The following LOXL3 variants were observed in gnomAD, a reference collection of about 807,000 sequenced individuals.
LOXL3 encodes lysyl oxidase like 3.
A neutral mutation model predicts 91.8 loss-of-function variants in LOXL3; 60 were observed. The observed-to-expected ratio is 0.65, with a 90% CI of 0.53 to 0.81. LOXL3 has a LOEUF of 0.81. Among genes scored for constraint, LOXL3 ranks in the 30% least tolerant of loss-of-function variants. The probability of loss-of-function intolerance (pLI) is 0.00; values close to 1 mark genes in which losing one functional copy is unlikely to be tolerated. For missense variants in LOXL3, 874 were observed against 1,000.4 expected, an observed-to-expected ratio of 0.87 and a Z score of 1.70; for synonymous variants, 355 against 387.6, an observed-to-expected ratio of 0.92 and a Z score of 0.99.
At position 74,534,125 on chromosome 2, in the gene LOXL3, A is replaced by G; in HGVS notation, c.2051T>C (p.Val684Ala). The G allele has an allele frequency of 6.2e-7, 1 of 1,614,160 alleles. No individual in the cohort carries two copies. Among genetic ancestry groups the G allele is most frequent in the Non-Finnish European group, 8.5e-7 (1 of 1,180,036 alleles). Residue 684 changes from valine to alanine, a missense_variant, in exon 12 of 14, where the codon GTG becomes GCG. Val to Ala is a moderately conservative substitution (Grantham distance 64, BLOSUM62 0). Transcript: ENST00000264094. ...IDCQWIDITDVKPGNYILQVV... is the reference protein window; with the variant it reads ...IDCQWIDITDAKPGNYILQVV... ...CTGGAGAATGTAGTTTCCTGGCTTC[A>G]CATCCGTGATGTCAATCCACTGACA...
intron 4 of LOXL3, chr2:74,539,789 A>AT (rs981368604): frequency 1.3e-5 from 2 of 152,706 alleles, no homozygotes; most frequent in African/African-American, 4.8e-5. Flanking sequence ...CTCTTGCCCC[A>AT]TACCTTCCAA....
Position 74,534,450 on chromosome 2 carries a change from T to G in LOXL3, c.1824-19A>C, listed in dbSNP as rs1466999534. On this transcript the variant is annotated intron_variant, in intron 10 of 13. Transcript: ENST00000264094. ...GTAATGCCTGTGGGGAGAAGGGAAC[T>G]TCTGTTTCCTTCTCTGCCCCCAGAA... 6.2e-7 allele frequency: 1 copy of G among 1,613,328 alleles called. No homozygotes were observed. The highest frequency in any genetic ancestry group is 1.1e-5 in the South Asian group (1 of 91,072).
At chr2:74,554,410 GGGT>G, upstream of LOXL3, 1 of 314,568 alleles carries the variant, frequency 3.2e-6, no homozygotes, top group Non-Finnish European at 5.9e-6. The surrounding 1 kb of genome is among the most constrained non-coding windows in gnomAD (Gnocchi z 4.9). Context: ...GGCGCTTTCG[GGGT>G]GATGTCATGG....
In LOXL3 at chr2:74,552,451, G is replaced by A. The variant is rs150838046; in HGVS notation, c.184C>T (p.Arg62Ter). 11 of 1,613,766 alleles carry A rather than the reference G, an allele frequency of 6.8e-6. No homozygotes were observed. Among genetic ancestry groups the A allele is most frequent in the African/African-American group, 4.0e-5 (3 of 74,948 alleles). Residue 62 changes from arginine (R) to a stop codon, truncating the protein, a stop_gained, in exon 2 of 14, where the codon CGA becomes TGA. Transcript: ENST00000264094. LOFTEE classifies it high-confidence loss of function. ...CAGATGGTGCCCCATTCACCAGCTC[G>A]CTGTATCTCCACGCGGCCCTCGTAG... ...KPYEGRVEIQRAGEWGTICDD... is the reference protein window; with the variant it reads ...KPYEGRVEIQ
intron 4 of LOXL3, among the ~76,000 whole-genome samples, chr2:74,540,561 A>G (rs1676268767): frequency 6.6e-6 from 1 of 152,136 alleles, no homozygotes. Flanking sequence ...GCTCCTTACA[A>G]TGACACCACC....
rs1191001760 is a variant in LOXL3 at position 74,536,134 on chromosome 2, G to A, written c.1110C>T (p.His370=). 6.2e-7 allele frequency: 1 copy of A among 1,613,814 alleles called. No individual in the cohort carries two copies. Among genetic ancestry groups the A allele is most frequent in the Non-Finnish European group, 8.5e-7 (1 of 1,180,006 alleles). Residue 370 remains histidine, a synonymous_variant, in exon 7 of 14, where the codon CAC becomes CAT. Coordinates refer to ENST00000264094, the MANE Select transcript of LOXL3 (RefSeq NM_032603.5). This position sits in a 1 kb window ranked among gnomAD's most constrained non-coding sequence, Gnocchi z 4.5. ...ARMGQGMGAI[H]LSEVRCSGQE... ...GTCCAGAGCAGCGAACTTCACTCAG[G>A]TGGATAGCACCCATGCCTAGGGCCA...
intron 4 of LOXL3, among the ~76,000 whole-genome samples, chr2:74,540,434 G>A (rs1676262634): frequency 1.3e-5 from 2 of 152,128 alleles, no homozygotes; most frequent in African/African-American, 4.8e-5. Context: ...TTTCCTGGAT[G>A]CTCTCTTTGA....
At chr2:74,550,954 A>G (rs1007104653) in intron 2 of LOXL3, among the ~76,000 whole-genome samples, 1 of 150,258 alleles carries the variant, frequency 6.7e-6, no homozygotes, top group Non-Finnish European at 1.5e-5. Flanking sequence ...TTTTTTTGAA[A>G]CGAAGTCTTG....
upstream of LOXL3, chr2:74,554,767 G>C (rs1437541394): frequency 3.7e-6 from 6 of 1,613,866 alleles, no homozygotes; most frequent in Non-Finnish European, 3.4e-6. The surrounding 1 kb of genome is among the most constrained non-coding windows in gnomAD (Gnocchi z 4.9). Context: ...GGACGGAGCA[G>C]TGATGGAAGG....
At chr2:74,551,081 T>C (rs1676979042) in intron 2 of LOXL3, among the ~76,000 whole-genome samples, 1 of 152,198 alleles carries the variant, frequency 6.6e-6, no homozygotes, top group East Asian at 1.9e-4. Flanking sequence ...TACAAGCATG[T>C]GCCACCATAC....
rs1676007261 is a variant in LOXL3, at chr2:74,536,142, C to T, written c.1102G>A (p.Ala368Thr). 6.2e-7 allele frequency: 1 copy of T among 1,613,556 alleles called. No homozygotes were observed. Among genetic ancestry groups the T allele is most frequent in the Non-Finnish European group, 8.5e-7 (1 of 1,180,024 alleles). Residue 368 changes from alanine to threonine, a missense_variant, in exon 7 of 14, where the codon GCT becomes ACT. Ala to Thr is a moderately conservative substitution (Grantham distance 58). Transcript: ENST00000264094. The surrounding 1 kb of genome is among the most constrained non-coding windows in gnomAD (Gnocchi z 4.5). ...SGARMGQGMGAIHLSEVRCSG... is the reference protein window; with the variant it reads ...SGARMGQGMGTIHLSEVRCSG... ...CAGCGAACTTCACTCAGGTGGATAG[C>T]ACCCATGCCTAGGGCCAGATGGCAA...
intron 4 of LOXL3, among the ~76,000 whole-genome samples, chr2:74,545,531 A>G (rs1187816308): frequency 6.6e-6 from 1 of 152,160 alleles, no homozygotes; most frequent in Non-Finnish European, 1.5e-5. Context: ...CTGTCTTCCA[A>G]ATATAAACCA....
chr2:74,549,985 G>T lies in LOXL3; in HGVS notation c.477+200C>A. On this transcript the variant is annotated intron_variant, in intron 3 of 13. Transcript: ENST00000264094. The surrounding 1 kb of genome is among the most constrained non-coding windows in gnomAD (Gnocchi z 5.3). Reference sequence around the variant, plus strand: ...GATGAAGCTGGAGAGGCTCATGCCAGGTTTAGCCCCTTGAATGTGAATGCT... The same window carrying T: ...GATGAAGCTGGAGAGGCTCATGCCATGTTTAGCCCCTTGAATGTGAATGCT... 1.0e-6 allele frequency: 1 copy of T among 985,466 alleles called. No individual in the cohort carries two copies. The highest frequency in any genetic ancestry group is 1.2e-6 in the Non-Finnish European group (1 of 829,934). The allele number at this position is 985,466 out of a possible 1,614,324, so 61.0% of individuals were successfully genotyped here. A position where few individuals can be genotyped will look rare whatever the true frequency, so the allele number is the denominator to read the frequency against.
intron 4 of LOXL3, among the ~76,000 whole-genome samples, chr2:74,539,355 C>G (rs1473068769): frequency 6.6e-6 from 1 of 152,172 alleles, no homozygotes; most frequent in African/African-American, 2.4e-5. Flanking sequence ...GGAACTCATG[C>G]TGCTCTCTGG....
At chr2:74,539,680 C>T (rs1483257484) in intron 4 of LOXL3, 1 of 152,602 alleles carries the variant, frequency 6.6e-6, no homozygotes, top group Non-Finnish European at 1.5e-5. Flanking sequence ...ATTTTCCTCA[C>T]ATCCCTAATC....
In LOXL3 at chr2:74,549,719, G is replaced by A. The variant is rs1402232840; in HGVS notation, c.478-136C>T. 3 of 1,444,176 alleles carry A rather than the reference G, an allele frequency of 2.1e-6. No homozygotes were observed. Among genetic ancestry groups the A allele is most frequent in the African/African-American group, 2.9e-5 (2 of 69,666 alleles). The allele number at this position is 1,444,176 out of a possible 1,614,324, so 89.5% of individuals were successfully genotyped here. A position where few individuals can be genotyped will look rare whatever the true frequency, so the allele number is the denominator to read the frequency against. On this transcript the variant is annotated intron_variant, in intron 3 of 13. Coordinates refer to ENST00000264094, the MANE Select transcript of LOXL3 (RefSeq NM_032603.5). The surrounding 1 kb of genome is among the most constrained non-coding windows in gnomAD (Gnocchi z 5.3). ...GGGCCCGAGGCGGCGCTGAGAGAGC[G>A]GCCACGATGGCCGCAGTCCGCGGTG...
Position 74,532,550 on chromosome 2 carries a change from A to G in LOXL3, c.*1056T>C. 2 of 1,190,642 alleles carry G rather than the reference A, an allele frequency of 1.7e-6. No homozygotes were observed. The highest frequency in any genetic ancestry group is 1.3e-5 in the South Asian group (1 of 79,634). The allele number at this position is 1,190,642 out of a possible 1,614,324, so 73.8% of individuals were successfully genotyped here. Reference sequence around the variant, plus strand: ...ATATTTATCAATGTGTTGATGAGAGACTTGAGGTGGAACTCAGGATGGGGA... The same window carrying G: ...ATATTTATCAATGTGTTGATGAGAGGCTTGAGGTGGAACTCAGGATGGGGA... On this transcript the variant is annotated 3_prime_UTR_variant, in exon 14 of 14. Coordinates refer to ENST00000264094, the MANE Select transcript of LOXL3 (RefSeq NM_032603.5).
chr2:74,550,395 TG>T (rs1187697109), intron 2 of LOXL3, 47 bp from the exon 3 acceptor site: 1 of 1,587,516 alleles, frequency 6.3e-7, no homozygotes, highest in Non-Finnish European at 8.6e-7. Flanking sequence ...GGAGGGAGGA[TG>T]GGGGAGTAAT....
upstream of LOXL3, chr2:74,554,811 C>A (rs759968687): frequency 6.2e-7 from 1 of 1,614,096 alleles, no homozygotes; most frequent in East Asian, 2.2e-5. This position sits in a 1 kb window ranked among gnomAD's most constrained non-coding sequence, Gnocchi z 4.9. Flanking sequence ...GCTTTGGGAC[C>A]AAGGTAGTCT....
Sources: gnomAD v4.1 joint callset for allele counts (sites outside exome capture counted in the v4.1 genomes callset) on GRCh38, gnomAD v4.1.1 for gene constraint, Gnocchi (gnomAD v3.1) non-coding constraint, MANE v1.5 for transcripts, NCBI Gene and HGNC (gene_info 2026-07-23, HGNC 2026-07-21) for gene names.